The following ZNF423 variants were observed in gnomAD, a reference collection of about 807,000 sequenced individuals.
ZNF423 encodes the protein zinc finger protein 423.
A neutral mutation model predicts 95.8 loss-of-function variants in ZNF423; 12 were observed. That is an observed-to-expected ratio of 0.13 (90% CI 0.08 to 0.20). ZNF423 has a LOEUF of 0.20. ZNF423 is among the 10% of genes least tolerant of loss of function. The pLI is 1.00. For missense variants in ZNF423, 1,316 were observed against 1,737.1 expected, an observed-to-expected ratio of 0.76 and a Z score of 4.31; for synonymous variants, 749 against 711.9, an observed-to-expected ratio of 1.05 and a Z score of -0.83.
chr16:49,568,495 C>T (rs1555507956), intron 5 of ZNF423, among the ~76,000 whole-genome samples: 1 of 152,078 alleles, frequency 6.6e-6, no homozygotes, highest in Non-Finnish European at 1.5e-5. Context: ...TCTTGCAACT[C>T]AAAAAACCTC....
At chr16:49,564,219 C>A (rs945397866) in intron 5 of ZNF423, among the ~76,000 whole-genome samples, 1 of 152,124 alleles carries the variant, frequency 6.6e-6, no homozygotes, top group Non-Finnish European at 1.5e-5. Flanking sequence ...TATTTATAAT[C>A]GCAATGTAGT....
At chr16:49,582,078 G>A (rs530955945) in intron 5 of ZNF423, among the ~76,000 whole-genome samples, 8 of 152,122 alleles carry the variant, frequency 5.3e-5, no homozygotes, top group South Asian at 2.1e-4. Context: ...AACTCACCAC[G>A]CTCACATAGT....
chr16:49,491,374 G>C, intron 7 of ZNF423, 70 bp from the exon 8 acceptor site: 3 of 1,579,740 alleles, frequency 1.9e-6, no homozygotes, highest in Non-Finnish European at 2.6e-6. Context: ...CTCCCACTCA[G>C]TGCATTTACG....
At chr16:49,669,693 T>C (rs1213655686) in intron 3 of ZNF423, among the ~76,000 whole-genome samples, 1 of 151,842 alleles carries the variant, frequency 6.6e-6, no homozygotes, top group Non-Finnish European at 1.5e-5. Flanking sequence ...GAAAAAAGAG[T>C]TGGTGATATC....
intron 4 of ZNF423, among the ~76,000 whole-genome samples, chr16:49,630,364 C>G (rs1438016339): frequency 6.6e-6 from 1 of 152,160 alleles, no homozygotes; most frequent in Non-Finnish European, 1.5e-5. Context: ...CCCACCTACT[C>G]TGCTTGGCAA....
intron 4 of ZNF423, among the ~76,000 whole-genome samples, chr16:49,628,585 C>T (rs1206979200): frequency 1.3e-5 from 2 of 152,160 alleles, no homozygotes; most frequent in Admixed American, 6.5e-5. Flanking sequence ...ATTTTTCTAC[C>T]TATCCAATAA....
rs534540265 is a variant in ZNF423, at chr16:49,566,335, A to G, written c.3602-40841T>C. On this transcript the variant is annotated intron_variant, in intron 5 of 7. Coordinates refer to ENST00000563137, the MANE Select transcript of ZNF423 (RefSeq NM_001379286.1). ...TAGATTTCTCTGCTTACAGAGCAGC[A>G]CCCATAAAAGTCTGGGTCACCCAAC... is the stretch of plus-strand genomic sequence containing the variant. Among the ~76,000 whole-genome samples the G allele has an allele frequency of 3.3e-5, 5 of 152,280 alleles. No homozygotes were observed. The South Asian group carries it at 1.0e-3, about 32-fold the overall frequency.
intron 2 of ZNF423, among the ~76,000 whole-genome samples, chr16:49,765,138 G>A (rs2033906774): frequency 6.6e-6 from 1 of 151,982 alleles, no homozygotes; most frequent in African/African-American, 2.4e-5. Flanking sequence ...CAAAAAGGCT[G>A]CCACATAGAG....
chr16:49,721,185 A>G (rs2032855689), intron 3 of ZNF423, among the ~76,000 whole-genome samples: 1 of 151,930 alleles, frequency 6.6e-6, no homozygotes, highest in South Asian at 2.1e-4. Flanking sequence ...TGAATCCTCT[A>G]TTTTCTGCTT....
At chr16:49,560,488 A>G (rs544700781) in intron 5 of ZNF423, among the ~76,000 whole-genome samples, 2 of 152,304 alleles carry the variant, frequency 1.3e-5, no homozygotes, top group East Asian at 3.9e-4. Context: ...TTTGGGCTAT[A>G]TTCCCTTCCC....
intron 2 of ZNF423, among the ~76,000 whole-genome samples, chr16:49,743,528 G>T (rs2033458356): frequency 6.6e-6 from 1 of 152,156 alleles, no homozygotes; most frequent in South Asian, 2.1e-4. Flanking sequence ...CTGTCTGGAA[G>T]GGCCCTTCCC....
chr16:49,585,801 A>G (rs1970812197), intron 5 of ZNF423, among the ~76,000 whole-genome samples: 1 of 152,246 alleles, frequency 6.6e-6, no homozygotes, highest in South Asian at 2.1e-4. Flanking sequence ...GGTGTCCGTC[A>G]TGAGAGGCAA....
At chr16:49,651,490 T>C (rs2151904412) in intron 3 of ZNF423, among the ~76,000 whole-genome samples, 1 of 152,254 alleles carries the variant, frequency 6.6e-6, no homozygotes, top group South Asian at 2.1e-4. Flanking sequence ...GTCCCGGGCC[T>C]TGGAGACATC....
intron 1 of ZNF423, among the ~76,000 whole-genome samples, chr16:49,800,235 C>T (rs2034561169): frequency 6.7e-6 from 1 of 149,702 alleles, no homozygotes; most frequent in African/African-American, 2.5e-5. Context: ...CAGAATGAGG[C>T]TCTGTCTCAA....
At chr16:49,740,350 C>T (rs910748033) in intron 2 of ZNF423, among the ~76,000 whole-genome samples, 3 of 152,222 alleles carry the variant, frequency 2.0e-5, no homozygotes, top group African/African-American at 4.8e-5. Flanking sequence ...TCCATGAACA[C>T]TCTCTCAAGC....
intron 5 of ZNF423, among the ~76,000 whole-genome samples, chr16:49,578,467 C>T (rs982839365): frequency 3.1e-4 from 47 of 152,244 alleles, no homozygotes; most frequent in African/African-American, 1.1e-3. Flanking sequence ...ACACTCATCC[C>T]TGTCTGAAAT....
At chr16:49,708,347 G>A (rs1310456878) in intron 3 of ZNF423, 1 of 151,968 alleles carries the variant, frequency 6.6e-6, no homozygotes, top group Non-Finnish European at 1.5e-5. Context: ...CCTGGCTAGA[G>A]TGTAGCGGCA....
In ZNF423 at chr16:49,651,847, G is replaced by C. The variant is rs918055434; in HGVS notation, c.302-12973C>G. Among the ~76,000 whole-genome samples, 17 of 152,310 alleles carry C rather than the reference G, an allele frequency of 1.1e-4. No homozygotes were observed. The East Asian group carries it at 3.3e-3, about 29-fold the overall frequency. ...ATGGTTTGAGGGGACACAAGACACA[G>C]TGTCACCTCCCTGAGCCCTGATTGA... On this transcript the variant is annotated intron_variant, in intron 3 of 7. Transcript: ENST00000563137.
chr16:49,776,316 G>C (rs1195442762), intron 2 of ZNF423, among the ~76,000 whole-genome samples: 1 of 152,202 alleles, frequency 6.6e-6, no homozygotes, highest in East Asian at 1.9e-4. Context: ...CAGCCCAGCG[G>C]GTGGGGAGGC....
Sources: gnomAD v4.1 joint callset for allele counts (sites outside exome capture counted in the v4.1 genomes callset) on GRCh38, gnomAD v4.1.1 for gene constraint, MANE v1.5 for transcripts, NCBI Gene and HGNC (gene_info 2026-07-23, HGNC 2026-07-21) for gene names.